WDR90: variants seen among roughly 807,000 people sequenced by gnomAD.
The protein encoded by WDR90 is WD repeat-containing protein 90.
Under a neutral mutation model 195.2 loss-of-function variants are expected in WDR90, and 238 were observed. The ratio of observed to expected loss-of-function variants is 1.22; its 90% confidence interval spans 1.10 to 1.36. The LOEUF (loss-of-function observed/expected upper bound fraction) is 1.36. Ranked by LOEUF, WDR90 falls within the 40% of genes most tolerant of loss-of-function variation. The pLI is 0.00. For synonymous variants in WDR90, 1,265 were observed against 1,052.4 expected (o/e 1.20, Z -3.91); for missense variants, 2,734 against 2,439.5 (o/e 1.12, Z -2.54).
At position 656,740 on chromosome 16, in the gene WDR90, C is replaced by G. The variant is rs1212358337; in HGVS notation, c.2211C>G (p.Asp737Glu). The change falls in exon 19 of 41, where the codon GAC becomes GAG. Residue 737 changes from aspartate to glutamate, a missense_variant. Physicochemically the swap from Asp to Glu is conservative, Grantham distance 45. Coordinates refer to ENST00000293879, the MANE Select transcript of WDR90 (RefSeq NM_145294.5). ...CGGCCCCTGTCCCACAGCTATACGACTTCACATCATCAGAGGACGCCCCGT... is the reference window on the plus strand; with the variant it reads ...CGGCCCCTGTCCCACAGCTATACGAGTTCACATCATCAGAGGACGCCCCGT... ...WDLATLQQLY[D>E]FTSSEDAPCA... The G allele has an allele frequency of 1.9e-6, 3 of 1,612,904 alleles. No homozygotes were observed. The highest frequency in any genetic ancestry group is 2.5e-6 in the Non-Finnish European group (3 of 1,179,862).
At position 652,458 on chromosome 16, in the gene WDR90, C is replaced by T; in HGVS notation, c.1054-9C>T. 1.3e-6 allele frequency: 2 copies of T among 1,599,474 alleles called. No homozygotes were observed. Among genetic ancestry groups the T allele is most frequent in the Non-Finnish European group, 1.7e-6 (2 of 1,171,740 alleles). ...CCTCCCAGGACTTTGATGCGAATGG[C>T]TGTTTCAGGGCTTCCTCCCAGACCC... On this transcript the variant is annotated splice_polypyrimidine_tract_variant and intron_variant, in intron 9 of 40. Transcript: ENST00000293879.
rs1005597595 is a variant in WDR90 at position 658,999 on chromosome 16, C to G, written c.2999C>G (p.Ala1000Gly). Residue 1000 changes from alanine to glycine, a missense_variant, in exon 24 of 41, where the codon GCC becomes GGC. Ala to Gly is a moderately conservative substitution (Grantham distance 60). Transcript: ENST00000293879. ...GDAVFLWDVL[A>G]PTESDQSFPG... ...GCCGTCTTCCTCTGGGATGTCCTGG[C>G]CCCTACTGAGAGGCAAGTGCCTACT... 13 of 1,613,040 alleles carry G rather than the reference C, an allele frequency of 8.1e-6. No individual in the cohort carries two copies. Among genetic ancestry groups the G allele is most frequent in the Non-Finnish European group, 1.1e-5 (13 of 1,179,966 alleles).
In WDR90 at chr16:656,751, C is replaced by G; in HGVS notation, c.2222C>G (p.Ser741Ter). The change falls in exon 19 of 41, where the codon TCA (serine) becomes TGA (stop). Residue 741 changes from serine (S) to a stop codon, truncating the protein, a stop_gained. Transcript: ENST00000293879. LOFTEE classifies it high-confidence loss of function. Reference protein sequence around the residue: ...TLQQLYDFTSSEDAPCAVTFH... With the variant: ...TLQQLYDFTS ...CCACAGCTATACGACTTCACATCAT[C>G]AGAGGACGCCCCGTGCGCTGTCACC... 1.2e-6 allele frequency: 2 copies of G among 1,613,142 alleles called. No homozygotes were observed. Among genetic ancestry groups the G allele is most frequent in the East Asian group, 4.5e-5 (2 of 44,882 alleles).
Position 662,678 on chromosome 16 carries a change from G to C in WDR90, c.4146-1G>C. On this transcript the variant is annotated splice_acceptor_variant, in intron 33 of 40. Coordinates refer to ENST00000293879, the MANE Select transcript of WDR90 (RefSeq NM_145294.5). LOFTEE classifies it high-confidence loss of function. ...CTCCTTCCCTGCACCCTGAGGTCCAGTTCTGTGTTCATGGAACACGAGCTG... is the reference window on the plus strand; with the variant it reads ...CTCCTTCCCTGCACCCTGAGGTCCACTTCTGTGTTCATGGAACACGAGCTG... 1 of 1,546,350 alleles carries C rather than the reference G, an allele frequency of 6.5e-7. No homozygotes were observed. The highest frequency in any genetic ancestry group is 2.3e-5 in the East Asian group (1 of 44,152).
At chr16:650,843 C>T (rs1488219031) in intron 5 of WDR90, 134 bp downstream of exon 5, 11 of 1,475,062 alleles carry the variant, frequency 7.5e-6, no homozygotes, top group Non-Finnish European at 1.0e-5. Flanking sequence ...AGAACCCATC[C>T]CAGAGGCAGC....
Position 650,577 on chromosome 16 carries a change from T to A in WDR90, c.427T>A (p.Cys143Ser). The change falls in exon 5 of 41, where the codon TGC (cysteine) becomes AGC (serine). Residue 143 changes from cysteine to serine, a missense_variant. By Grantham distance (112) the Cys-to-Ser change is moderately radical. Transcript: ENST00000293879. ...GGCCCCCTCCGGAGCCCGCTGGACCTGCCTGCAGCTCGATCTGCAGGACGT... is the reference window on the plus strand; with the variant it reads ...GGCCCCCTCCGGAGCCCGCTGGACCAGCCTGCAGCTCGATCTGCAGGACGT... Reference protein sequence around the residue: ...GLAPSGARWTCLQLDLQDVLL... With the variant: ...GLAPSGARWTSLQLDLQDVLL... 6.2e-7 allele frequency: 1 copy of A among 1,612,280 alleles called. No homozygotes were observed. Among genetic ancestry groups the A allele is most frequent in the Non-Finnish European group, 8.5e-7 (1 of 1,179,526 alleles).
chr16:665,400 G>T (rs375438017), intron 34 of WDR90: 1 of 586,328 alleles, frequency 1.7e-6, no homozygotes. Flanking sequence ...GCACGGCCAC[G>T]CTCCTGTCTT....
At chr16:649,263 CCCACCGG>C, upstream of WDR90, 2 of 879,194 alleles carry the variant, frequency 2.3e-6, no homozygotes, top group Non-Finnish European at 1.5e-6. Flanking sequence ...GCGGGGTACT[CCCACCGG>C]GGAGGTCACG....
chr16:663,925 G>C (rs563442903), intron 34 of WDR90, among the ~76,000 whole-genome samples: 1 of 152,214 alleles, frequency 6.6e-6, no homozygotes, highest in Non-Finnish European at 1.5e-5. Flanking sequence ...AGAGCTCTGC[G>C]TGTGGTCAGC....
At position 666,697 on chromosome 16, in the gene WDR90, C is replaced by G. The variant is rs1176922971; in HGVS notation, c.4909C>G (p.Leu1637Val). Residue 1637 changes from leucine to valine, a missense_variant, in exon 39 of 41, where the codon CTC becomes GTC. Coordinates refer to ENST00000293879, the MANE Select transcript of WDR90 (RefSeq NM_145294.5). Reference protein sequence around the residue: ...TETQGHLPPSLAAFCPWDGAL... With the variant: ...TETQGHLPPSVAAFCPWDGAL... ...GACTCAGGGCCACCTGCCACCCTCC[C>G]TCGCTGCCTTCTGCCCTTGGGATGG... 1.2e-6 allele frequency: 2 copies of G among 1,612,714 alleles called. No homozygotes were observed. The highest frequency in any genetic ancestry group is 1.7e-6 in the Non-Finnish European group (2 of 1,179,972).
intron 13 of WDR90, chr16:654,077 T>C: frequency 2.0e-6 from 1 of 489,438 alleles, no homozygotes. Flanking sequence ...TTCTCTCTGC[T>C]GGTGATGCGG....
At chr16:663,551 C>T (rs149298963) in intron 34 of WDR90, 1 of 179,926 alleles carries the variant, frequency 5.6e-6, no homozygotes, top group Non-Finnish European at 1.2e-5. Context: ...TCAGGAGGCC[C>T]AGGTAGCTAC....
chr16:660,330 C>G (rs1464445908), intron 27 of WDR90, among the ~76,000 whole-genome samples, 169 bp downstream of exon 27: 1 of 152,214 alleles, frequency 6.6e-6, no homozygotes, highest in Admixed American at 6.5e-5. Flanking sequence ...CACCCCTGCC[C>G]TCCGCTGGCC....
At chr16:652,898 T>C (rs1168918156) in intron 10 of WDR90, among the ~76,000 whole-genome samples, 1 of 152,256 alleles carries the variant, frequency 6.6e-6, no homozygotes, top group Non-Finnish European at 1.5e-5. Flanking sequence ...AGGTCCCTCA[T>C]GGGTGACGTG....
Position 667,759 on chromosome 16 carries a change from C to G in WDR90, c.*170C>G. On this transcript the variant is annotated 3_prime_UTR_variant, in exon 41 of 41. Transcript: ENST00000293879. ...AAATTTGGCGCCCTGTGAATACTTT[C>G]ATACCTGTTGCCCTTTTGCCTAAGA... 1 of 911,336 alleles carries G rather than the reference C, an allele frequency of 1.1e-6. No individual in the cohort carries two copies. Among genetic ancestry groups the G allele is most frequent in the Non-Finnish European group, 1.7e-6 (1 of 580,680 alleles). 56.5% of individuals were successfully genotyped at this position (911,336 alleles called of 1,614,324 possible).
At chr16:663,470 T>A (rs559577545) in intron 34 of WDR90, 4 of 233,366 alleles carry the variant, frequency 1.7e-5, no homozygotes, top group Admixed American at 5.3e-5. Context: ...CCACATCGTC[T>A]GTCCCTGCAC....
At chr16:662,513 G>A in intron 33 of WDR90, 166 bp from the exon 34 acceptor site, 1 of 1,198,034 alleles carries the variant, frequency 8.3e-7, no homozygotes, top group Non-Finnish European at 1.1e-6. Context: ...TACGGGCATG[G>A]GCCCAGAAGC....
rs1009855265 is a variant in WDR90, at chr16:661,231, C to A, written c.3513+59C>A. On this transcript the variant is annotated intron_variant, in intron 29 of 40. Coordinates refer to ENST00000293879, the MANE Select transcript of WDR90 (RefSeq NM_145294.5). ...GGCCACCGTGCCCGGCAGAACCCAG[C>A]TCCCGGACCGGTGCGGGTTCTCACC... The A allele has an allele frequency of 3.2e-5, 48 of 1,518,200 alleles. No individual in the cohort carries two copies. In the African/African-American group the frequency reaches 6.2e-4, roughly 20 times the overall value. 94.0% of individuals were successfully genotyped at this position (1,518,200 alleles called of 1,614,324 possible).
chr16:663,042 G>A (rs1205333318), intron 34 of WDR90, 198 bp downstream of exon 34: 9 of 807,470 alleles, frequency 1.1e-5, no homozygotes, highest in Admixed American at 2.0e-5. Context: ...CTGCACAAGC[G>A]AGCCGCCTGG....
Sources: allele counts gnomAD v4.1 joint callset (sites outside exome capture counted in the v4.1 genomes callset), GRCh38; gene constraint gnomAD v4.1.1; transcripts MANE v1.5; gene names NCBI Gene and HGNC (gene_info 2026-07-23, HGNC 2026-07-21).